The following ICA1L variants were observed in gnomAD, a reference collection of about 807,000 sequenced individuals.
ICA1L encodes islet cell autoantigen 1-like protein.
In ICA1L, 50 loss-of-function variants were observed where a neutral mutation model predicts 61.3. The observed-to-expected ratio is 0.82, with a 90% CI of 0.65 to 1.03. The LOEUF (loss-of-function observed/expected upper bound fraction) is 1.03, where lower values mean the gene tolerates loss of function less well. Ranked by LOEUF, ICA1L falls within the 50% of genes least tolerant of loss-of-function variation. ICA1L has a pLI of 0.00. For missense variants in ICA1L, 508 were observed against 556.7 expected (o/e 0.91, Z 0.88); for synonymous variants, 161 against 191.3 (o/e 0.84, Z 1.31).
intron 1 of ICA1L, among the ~76,000 whole-genome samples, chr2:202,868,792 C>T (rs891242606): frequency 1.3e-5 from 2 of 151,452 alleles, no homozygotes; most frequent in Non-Finnish European, 2.9e-5. Context: ...TATGGTAAAA[C>T]CCCCATCTCT....
At chr2:202,800,057 A>G (rs959912267) in intron 9 of ICA1L, among the ~76,000 whole-genome samples, 2 of 151,050 alleles carry the variant, frequency 1.3e-5, no homozygotes, top group Admixed American at 6.6e-5. Flanking sequence ...TTTTTTTTGT[A>G]TTTTTAGTAG....
Position 202,773,779 on chromosome 2 carries a change from C to A in ICA1L, c.*5754G>T. ...GTCCAAAGGTGGAAGAATACATACA[C>A]CGGTATGGTAATAGGCAAGAGCAGG... On this transcript the variant is annotated 3_prime_UTR_variant, in exon 13 of 13. Coordinates refer to ENST00000358299, the MANE Select transcript of ICA1L (RefSeq NM_001288622.3). The A allele has an allele frequency of 2.9e-6, 4 of 1,381,810 alleles. No homozygotes were observed. Among genetic ancestry groups the A allele is most frequent in the Non-Finnish European group, 4.1e-6 (4 of 971,486 alleles). 85.6% of individuals were successfully genotyped at this position (1,381,810 alleles called of 1,614,324 possible). A position where few individuals can be genotyped will look rare whatever the true frequency, so the allele number is the denominator to read the frequency against.
intron 12 of ICA1L, among the ~76,000 whole-genome samples, chr2:202,783,945 T>A (rs954864148): frequency 2.6e-5 from 4 of 152,118 alleles, no homozygotes; most frequent in African/African-American, 7.2e-5. Flanking sequence ...AAAGCAAACA[T>A]GGTAACATTT....
rs1182893466 is a variant in ICA1L at position 202,779,566 on chromosome 2, A to G, written c.1416T>C (p.Ile472=). The change falls in exon 13 of 13, where the codon ATT becomes ATC. Residue 472 remains isoleucine (I), a synonymous_variant. Transcript: ENST00000358299. The part of the protein sequence containing the change: ...DLDPLSNPDA[I]GHSDDELLNA ...TAAGAAGTTCATCATCTGAGTGTCC[A>G]ATAGCATCTGGGTTTGAAAGTGGAT... is the stretch of plus-strand genomic sequence containing the variant. 1 of 1,612,334 alleles carries G rather than the reference A, an allele frequency of 6.2e-7. No individual in the cohort carries two copies.
chr2:202,864,232 G>T (rs1390741994), intron 1 of ICA1L, among the ~76,000 whole-genome samples: 1 of 151,852 alleles, frequency 6.6e-6, no homozygotes, highest in East Asian at 1.9e-4. Context: ...TACAAGAAAA[G>T]ATTATTACAG....
chr2:202,833,988 A>C (rs1037674523), intron 1 of ICA1L, among the ~76,000 whole-genome samples: 30 of 152,288 alleles, frequency 2.0e-4, no homozygotes, highest in Admixed American at 7.8e-4. Flanking sequence ...TCTATTGTAC[A>C]ACAAAGGGAC....
chr2:202,851,191 G>A (rs146900385), intron 1 of ICA1L, among the ~76,000 whole-genome samples: 13,265 of 150,118 alleles, frequency 0.088, 731 homozygotes, highest in Non-Finnish European at 0.12. Flanking sequence ...GCCCCAGTGT[G>A]TAATGTTCCC....
chr2:202,841,498 C>G, intron 1 of ICA1L: 1 of 758,146 alleles, frequency 1.3e-6, no homozygotes. Flanking sequence ...GAGGGTCCTT[C>G]TCCTGGGTGC....
At chr2:202,812,071 A>G (rs1693394199) in intron 8 of ICA1L, among the ~76,000 whole-genome samples, 1 of 152,130 alleles carries the variant, frequency 6.6e-6, no homozygotes. Flanking sequence ...CACCATCAAA[A>G]CCATAGAGTA....
chr2:202,775,376 T>G lies in ICA1L; in HGVS notation c.*4157A>C, dbSNP rs1692189790. 1 of 152,230 alleles carries G rather than the reference T, an allele frequency of 6.6e-6. No individual in the cohort carries two copies. Among genetic ancestry groups the G allele is most frequent in the African/African-American group, 2.4e-5 (1 of 41,470 alleles). 9.4% of individuals were successfully genotyped at this position (152,230 alleles called of 1,614,324 possible). On this transcript the variant is annotated 3_prime_UTR_variant, in exon 13 of 13. Coordinates refer to ENST00000358299, the MANE Select transcript of ICA1L (RefSeq NM_001288622.3). The stretch of plus-strand genomic sequence containing the variant: ...ATAAGTCAGGTTACATACTATGGCT[T>G]ATATTTAATTGTTTGTGTCTAGGCT...
intron 1 of ICA1L, among the ~76,000 whole-genome samples, chr2:202,853,352 G>A (rs1249503914): frequency 2.0e-4 from 27 of 134,658 alleles, no homozygotes; most frequent in African/African-American, 4.3e-4. Context: ...GCGAGACTCC[G>A]TCAAAAAAAA....
At position 202,861,099 on chromosome 2, in the gene ICA1L, G is replaced by T. The variant is rs537162985; in HGVS notation, c.-8+10520C>A. 3.5e-4 allele frequency among the ~76,000 whole-genome samples: 53 copies of T among 151,104 alleles called. 2 individuals carry two copies. The South Asian group carries it at 9.9e-3, about 28-fold the overall frequency. On this transcript the variant is annotated intron_variant, in intron 1 of 12. Coordinates refer to ENST00000358299, the MANE Select transcript of ICA1L (RefSeq NM_001288622.3). ...ACAAAAATTAACTGGGTGTGGTGGC[G>T]GGTGCCTGTAATCCCAGCTACTTGG... is the stretch of plus-strand genomic sequence containing the variant.
At chr2:202,855,745 G>A (rs538318661) in intron 1 of ICA1L, among the ~76,000 whole-genome samples, 1 of 152,052 alleles carries the variant, frequency 6.6e-6, no homozygotes, top group Non-Finnish European at 1.5e-5. Context: ...AAGAGGAGCT[G>A]GTACCATTCC....
chr2:202,864,694 C>T (rs1207485474), intron 1 of ICA1L, among the ~76,000 whole-genome samples: 1 of 151,366 alleles, frequency 6.6e-6, no homozygotes, highest in East Asian at 1.9e-4. Flanking sequence ...GGAATTTATG[C>T]CAGGGATGCA....
chr2:202,803,400 C>CTA (rs1693140735), intron 9 of ICA1L, among the ~76,000 whole-genome samples: 1 of 60,644 alleles, frequency 1.6e-5, no homozygotes, highest in Non-Finnish European at 3.0e-5. Context: ...GACTCGATCT[C>CTA]AAAAAAAAAA....
chr2:202,841,091 C>A, intron 1 of ICA1L: 1 of 639,058 alleles, frequency 1.6e-6, no homozygotes, highest in Non-Finnish European at 3.0e-6. Context: ...TCTGGATCTC[C>A]TCTTCATACA....
chr2:202,774,403 C>A lies in ICA1L; in HGVS notation c.*5130G>T. 1 of 1,045,974 alleles carries A rather than the reference C, an allele frequency of 9.6e-7. No homozygotes were observed. The highest frequency in any genetic ancestry group is 2.1e-5 in the South Asian group (1 of 47,056). The allele number at this position is 1,045,974 out of a possible 1,614,324, so 64.8% of individuals were successfully genotyped here. A position where few individuals can be genotyped will look rare whatever the true frequency, so the allele number is the denominator to read the frequency against. ...AGACCAGGCCTCACTGCGCCTCCAA[C>A]AGCCAGGGTCGAGCCCCTGGCTCCC... On this transcript the variant is annotated 3_prime_UTR_variant, in exon 13 of 13. Coordinates refer to ENST00000358299, the MANE Select transcript of ICA1L (RefSeq NM_001288622.3).
intron 3 of ICA1L, among the ~76,000 whole-genome samples, chr2:202,825,190 C>A (rs1693805970): frequency 1.3e-5 from 2 of 152,172 alleles, no homozygotes; most frequent in Non-Finnish European, 2.9e-5. Context: ...TGCGCAGGCC[C>A]AGGCATGGTG....
intron 12 of ICA1L, 51 bp from the exon 13 acceptor site, chr2:202,779,699 G>T: frequency 9.4e-7 from 1 of 1,059,560 alleles, no homozygotes. Context: ...TTGAAATCAT[G>T]TTTTTGTACC....
Sources: allele counts gnomAD v4.1 joint callset (sites outside exome capture counted in the v4.1 genomes callset), GRCh38; gene constraint gnomAD v4.1.1; transcripts MANE v1.5; gene names NCBI Gene and HGNC (gene_info 2026-07-23, HGNC 2026-07-21).